Variants in KANK4 observed in about 807,000 individuals in gnomAD.
KANK4 encodes the protein KN motif and ankyrin repeat domains 4, also known as KN motif and ankyrin repeat domain-containing protein 4.
Under a neutral mutation model 80.8 loss-of-function variants are expected in KANK4, and 50 were observed. The observed-to-expected ratio is 0.62, with a 90% CI of 0.49 to 0.78. The LOEUF (loss-of-function observed/expected upper bound fraction) is 0.78. KANK4 is among the 30% of genes least tolerant of loss of function. The pLI is 0.00. For synonymous variants in KANK4, 465 were observed against 506.9 expected (o/e 0.92, Z 1.11); for missense variants, 1,196 against 1,240.1 (o/e 0.96, Z 0.53).
At chr1:62,242,361 C>CAAAAAAAAAAA (rs57320794) in intron 9 of KANK4, among the ~76,000 whole-genome samples, 4 of 66,144 alleles carry the variant, frequency 6.0e-5, no homozygotes, top group Non-Finnish European at 7.6e-5. Context: ...GACCATACCT[C>CAAAAAAAAAAA]AAAAAAAAAA....
chr1:62,279,743 C>T (rs148173612), intron 2 of KANK4, among the ~76,000 whole-genome samples: 63 of 152,216 alleles, frequency 4.1e-4, no homozygotes, highest in African/African-American at 1.0e-3. Flanking sequence ...ATGCGGCAGG[C>T]GAGGATTCAC....
chr1:62,302,787 G>A (rs74078523), intron 1 of KANK4, among the ~76,000 whole-genome samples: 4,423 of 152,194 alleles, frequency 0.029, 188 homozygotes, highest in African/African-American at 0.09. Flanking sequence ...AAGCCACCCC[G>A]TCTATGGTAG....
At chr1:62,251,897 C>A (rs1027959215) in intron 8 of KANK4, among the ~76,000 whole-genome samples, 2 of 149,808 alleles carry the variant, frequency 1.3e-5, no homozygotes, top group Non-Finnish European at 1.5e-5. Context: ...GAGGCTGAGG[C>A]GGAAGAATCG....
intron 1 of KANK4, among the ~76,000 whole-genome samples, chr1:62,299,306 C>T (rs1171105015): frequency 1.3e-5 from 2 of 152,090 alleles, no homozygotes; most frequent in South Asian, 2.1e-4. Context: ...GTGATTCTCC[C>T]GCCACAGCCT....
chr1:62,287,008 G>A (rs1571023761), intron 1 of KANK4, among the ~76,000 whole-genome samples: 1 of 152,328 alleles, frequency 6.6e-6, no homozygotes. Flanking sequence ...CTTCCAGGCA[G>A]GGTTTCTAAC....
At chr1:62,290,961 A>C (rs1278070033) in intron 1 of KANK4, among the ~76,000 whole-genome samples, 1 of 151,996 alleles carries the variant, frequency 6.6e-6, no homozygotes, top group African/African-American at 2.4e-5. Flanking sequence ...CGTGTTAGCC[A>C]GAATGGTCTC....
At chr1:62,301,636 G>A (rs1239127996) in intron 1 of KANK4, among the ~76,000 whole-genome samples, 1 of 151,858 alleles carries the variant, frequency 6.6e-6, no homozygotes, top group Non-Finnish European at 1.5e-5. Flanking sequence ...GTGTGTTTAG[G>A]TTCCCTAACT....
chr1:62,312,310 T>G (rs954547370), intron 1 of KANK4, among the ~76,000 whole-genome samples: 1 of 152,198 alleles, frequency 6.6e-6, no homozygotes, highest in African/African-American at 2.4e-5. Context: ...TGATTTCTAG[T>G]GGTGACAATG....
intron 1 of KANK4, among the ~76,000 whole-genome samples, chr1:62,286,768 GC>G (rs1672578689): frequency 6.6e-6 from 1 of 151,728 alleles, no homozygotes; most frequent in Non-Finnish European, 1.5e-5. Flanking sequence ...CCCTCCTGGG[GC>G]CCCAGGACCA....
chr1:62,266,698 G>A (rs779995268), intron 6 of KANK4, 34 bp downstream of exon 6: 1 of 1,419,892 alleles, frequency 7.0e-7, no homozygotes, highest in South Asian at 1.2e-5. Context: ...AAACAGAAGG[G>A]AAATCTTTAC....
intron 8 of KANK4, among the ~76,000 whole-genome samples, chr1:62,251,275 G>A (rs561270113): frequency 6.6e-6 from 1 of 152,220 alleles, no homozygotes; most frequent in Admixed American, 6.5e-5. Context: ...TACTGCTTCG[G>A]CTGTGGGTAA....
chr1:62,306,704 A>G (rs892727907), intron 1 of KANK4, among the ~76,000 whole-genome samples: 5 of 152,166 alleles, frequency 3.3e-5, no homozygotes, highest in Admixed American at 6.5e-5. Context: ...TGATATTTAT[A>G]ATAATTTTTA....
rs537968789 is a variant in KANK4, at chr1:62,272,982, G to C, written c.1900+222C>G. Reference sequence around the variant, plus strand: ...ATTTTTGTATTTTTAGTAGAGATGGGTTTTCGCCATGTTGACCAGGCTGGT... The same window carrying C: ...ATTTTTGTATTTTTAGTAGAGATGGCTTTTCGCCATGTTGACCAGGCTGGT... On this transcript the variant is annotated intron_variant, in intron 3 of 9. Coordinates refer to ENST00000371153, the MANE Select transcript of KANK4 (RefSeq NM_181712.5). 3.3e-5 allele frequency among the ~76,000 whole-genome samples: 5 copies of C among 152,026 alleles called. No individual in the cohort carries two copies. The South Asian group carries it at 1.0e-3, about 32-fold the overall frequency.
chr1:62,278,825 T>G (rs1234571077), intron 2 of KANK4, among the ~76,000 whole-genome samples: 1 of 152,194 alleles, frequency 6.6e-6, no homozygotes, highest in African/African-American at 2.4e-5. Flanking sequence ...CAAGTTGCAC[T>G]GGCTGTACTC....
At chr1:62,316,951 A>G (rs1046174962) in intron 1 of KANK4, among the ~76,000 whole-genome samples, 1 of 149,874 alleles carries the variant, frequency 6.7e-6, no homozygotes, top group Non-Finnish European at 1.5e-5. Context: ...TCTGCAGGGG[A>G]AAAAACCTTA....
chr1:62,302,687 G>A (rs1002926382), intron 1 of KANK4, among the ~76,000 whole-genome samples: 1 of 152,088 alleles, frequency 6.6e-6, no homozygotes, highest in Non-Finnish European at 1.5e-5. Context: ...CCAGGAAGAG[G>A]GTTGTCCCCC....
At chr1:62,275,879 AG>A (rs1672300715) in intron 2 of KANK4, among the ~76,000 whole-genome samples, 2 of 133,464 alleles carry the variant, frequency 1.5e-5, no homozygotes, top group African/African-American at 2.8e-5. Flanking sequence ...GGAGGAAGGA[AG>A]GGAGGAAGGA....
intron 1 of KANK4, among the ~76,000 whole-genome samples, chr1:62,312,711 G>T (rs12758910): frequency 0.19 from 28,774 of 152,250 alleles, 2,855 homozygotes; most frequent in South Asian, 0.31. Context: ...AGACTGGAGA[G>T]AAAGCCTCAC....
Position 62,253,268 on chromosome 1 carries a change from CTTTAGCCG to C in KANK4, c.2540-67_2540-60del, listed in dbSNP as rs766305751. 1.3e-3 allele frequency: 2,055 copies of C among 1,531,172 alleles called. 3 individuals carry two copies. The highest frequency in any genetic ancestry group is 1.6e-3 in the Non-Finnish European group (1,803 of 1,144,678). 94.8% of individuals were successfully genotyped at this position (1,531,172 alleles called of 1,614,324 possible). A position where few individuals can be genotyped will look rare whatever the true frequency, so the allele number is the denominator to read the frequency against. ...CTGAGGGGCCAGGAGCCAGACTCCA[CTTTAGCCG>C]TTTCAATGGGACACTGCTCGCTGGT... On this transcript the variant is annotated intron_variant, in intron 7 of 9. Coordinates refer to ENST00000371153, the MANE Select transcript of KANK4 (RefSeq NM_181712.5).
Sources: allele counts gnomAD v4.1 joint callset (sites outside exome capture counted in the v4.1 genomes callset), GRCh38; gene constraint gnomAD v4.1.1; transcripts MANE v1.5; gene names NCBI Gene and HGNC (gene_info 2026-07-23, HGNC 2026-07-21).